The following CHST8 variants were observed in gnomAD, a reference collection of about 807,000 sequenced individuals.
CHST8 encodes the protein GALNAC-4-ST1.
In CHST8, 10 loss-of-function variants were observed where a neutral mutation model predicts 15.0. The observed-to-expected ratio is 0.67, with a 90% CI of 0.41 to 1.13. CHST8 has a LOEUF of 1.13. Among genes scored for constraint, CHST8 ranks in the 50% most tolerant of loss-of-function variants. The probability of loss-of-function intolerance (pLI) is 0.00; values close to 1 mark genes in which losing one functional copy is unlikely to be tolerated. For missense variants in CHST8, 634 were observed against 608.2 expected (o/e 1.04, Z -0.45); for synonymous variants, 259 against 256.6 (o/e 1.01, Z -0.09).
intron 3 of CHST8, among the ~76,000 whole-genome samples, chr19:33,708,637 A>T (rs6510393): frequency 0.029 from 4,367 of 152,294 alleles, 147 homozygotes; most frequent in African/African-American, 0.08. Context: ...AGATTTATAA[A>T]AAGTTGTGAA....
chr19:33,680,366 G>C (rs1361058688), intron 2 of CHST8, among the ~76,000 whole-genome samples: 2 of 152,128 alleles, frequency 1.3e-5, no homozygotes, highest in African/African-American at 4.8e-5. Flanking sequence ...CTGTAATATT[G>C]GTTTGGAAAA....
intron 3 of CHST8, among the ~76,000 whole-genome samples, chr19:33,689,687 C>A (rs1973060839): frequency 6.6e-6 from 1 of 152,208 alleles, no homozygotes; most frequent in South Asian, 2.1e-4. Context: ...CAGATTTAAA[C>A]AGGATTCCAC....
intron 3 of CHST8, among the ~76,000 whole-genome samples, chr19:33,693,008 C>CT (rs371300363): frequency 0.064 from 9,042 of 140,848 alleles, 376 homozygotes; most frequent in Non-Finnish European, 0.093. Flanking sequence ...TTCTTTCTTT[C>CT]TTTTTTTTTT....
intron 2 of CHST8, among the ~76,000 whole-genome samples, chr19:33,669,084 G>C (rs538246598): frequency 6.6e-6 from 1 of 152,254 alleles, no homozygotes; most frequent in Non-Finnish European, 1.5e-5. Context: ...AAGCAGAATC[G>C]TTCCCATCAG....
intron 1 of CHST8, among the ~76,000 whole-genome samples, chr19:33,625,631 GT>G (rs1600221835): frequency 6.6e-6 from 1 of 152,224 alleles, no homozygotes; most frequent in East Asian, 2.0e-4. Context: ...GGAGGCCGAG[GT>G]GGGTGGATCA....
chr19:33,767,547 T>A (rs985356372), intron 3 of CHST8, among the ~76,000 whole-genome samples: 2 of 152,242 alleles, frequency 1.3e-5, no homozygotes, highest in Non-Finnish European at 2.9e-5. Flanking sequence ...GCAGTGCCCA[T>A]AACTCACGCC....
At chr19:33,662,608 C>T (rs890489327) in intron 1 of CHST8, among the ~76,000 whole-genome samples, 5 of 151,998 alleles carry the variant, frequency 3.3e-5, no homozygotes, top group South Asian at 2.1e-4. Context: ...CATTGACCAG[C>T]GCATGGTGAG....
At chr19:33,682,449 T>A (rs760277236) in intron 2 of CHST8, among the ~76,000 whole-genome samples, 15 of 152,164 alleles carry the variant, frequency 9.9e-5, no homozygotes, top group Non-Finnish European at 1.8e-4. Flanking sequence ...AAGTGTACAG[T>A]CCAGTGGCAT....
intron 3 of CHST8, among the ~76,000 whole-genome samples, chr19:33,703,773 T>G (rs1973390140): frequency 6.6e-6 from 1 of 152,280 alleles, no homozygotes; most frequent in Admixed American, 6.5e-5. Context: ...GATGTTTTCA[T>G]TATGAAGCTT....
intron 3 of CHST8, among the ~76,000 whole-genome samples, chr19:33,701,545 G>T (rs1973336611): frequency 1.3e-5 from 2 of 152,086 alleles, no homozygotes; most frequent in African/African-American, 4.8e-5. Context: ...TAGAAAATTG[G>T]GACAATCATG....
chr19:33,744,955 G>A (rs1310167501), intron 3 of CHST8, among the ~76,000 whole-genome samples: 2 of 152,050 alleles, frequency 1.3e-5, no homozygotes, highest in African/African-American at 2.4e-5. Context: ...CACCGTGTTG[G>A]CCAGGGTGGT....
rs548753857 is a variant in CHST8, at chr19:33,763,666, T to C, written c.131-7747T>C. 3.9e-5 allele frequency among the ~76,000 whole-genome samples: 6 copies of C among 152,380 alleles called. No homozygotes were observed. In the South Asian group the frequency reaches 1.2e-3, roughly 32 times the overall value. On this transcript the variant is annotated intron_variant, in intron 3 of 4. Transcript: ENST00000650847. Reference sequence around the variant, plus strand: ...TTGAAGCCCTTGGGTGAGGCTTTTTTCCGGGCGTTCTGTGCCCAGGAGTCC... The same window carrying C: ...TTGAAGCCCTTGGGTGAGGCTTTTTCCCGGGCGTTCTGTGCCCAGGAGTCC...
At chr19:33,725,734 G>A (rs1289734331) in intron 3 of CHST8, among the ~76,000 whole-genome samples, 1 of 152,250 alleles carries the variant, frequency 6.6e-6, no homozygotes, top group Non-Finnish European at 1.5e-5. Flanking sequence ...GGTGAGCCAA[G>A]AGAACAGAGC....
intron 3 of CHST8, among the ~76,000 whole-genome samples, chr19:33,716,852 G>T (rs1023352400): frequency 3.9e-5 from 6 of 152,218 alleles, no homozygotes; most frequent in Admixed American, 2.6e-4. Context: ...CCAGGAGTCT[G>T]AGATCAAGGC....
rs1974995549 is a variant in CHST8, at chr19:33,772,033, G to T, written c.245G>T (p.Gly82Val). Reference protein sequence around the residue: ...TERVTRDLSSGAPRGRNLPAP... With the variant: ...TERVTRDLSSVAPRGRNLPAP... ...AGGGTCACTCGGGACTTATCCAGTG[G>T]GGCCCCGAGGGGCCGCAACCTGCCA... Residue 82 changes from glycine (G) to valine (V), a missense_variant, in exon 5 of 5, where the codon GGG becomes GTG. Transcript: ENST00000650847. 4 of 1,611,796 alleles carry T rather than the reference G, an allele frequency of 2.5e-6. No homozygotes were observed. The highest frequency in any genetic ancestry group is 3.4e-6 in the Non-Finnish European group (4 of 1,179,542).
intron 3 of CHST8, among the ~76,000 whole-genome samples, chr19:33,748,958 A>G (rs556759119): frequency 1.3e-5 from 2 of 152,250 alleles, no homozygotes; most frequent in South Asian, 4.1e-4. Flanking sequence ...GAGGCTGGGA[A>G]GCTCCCACCC....
intron 3 of CHST8, among the ~76,000 whole-genome samples, chr19:33,715,625 G>A (rs1344132450): frequency 6.6e-6 from 1 of 152,212 alleles, no homozygotes; most frequent in Non-Finnish European, 1.5e-5. Flanking sequence ...GAGGTGTGCA[G>A]ATCTTCAGCA....
At chr19:33,767,813 G>C (rs768939622) in intron 3 of CHST8, among the ~76,000 whole-genome samples, 2 of 152,154 alleles carry the variant, frequency 1.3e-5, no homozygotes, top group Admixed American at 6.5e-5. Flanking sequence ...TGGCAGCATT[G>C]GTGGCGTTGG....
chr19:33,689,494 C>A lies in CHST8; in HGVS notation c.130+103C>A, dbSNP rs1217566643. 3.8e-6 allele frequency: 5 copies of A among 1,323,560 alleles called. No individual in the cohort carries two copies. The African/African-American group carries it at 4.5e-5, about 12-fold the overall frequency. The allele number at this position is 1,323,560 out of a possible 1,614,324, so 82.0% of individuals were successfully genotyped here. ...GTGTGCTGGGCTTGGGGGAAAGGGGCAAGTCTGTGCCAAGACCCCCGGCAG... is the reference window on the plus strand; with the variant it reads ...GTGTGCTGGGCTTGGGGGAAAGGGGAAAGTCTGTGCCAAGACCCCCGGCAG... On this transcript the variant is annotated intron_variant, in intron 3 of 4. Coordinates refer to ENST00000650847, the MANE Select transcript of CHST8 (RefSeq NM_001127895.2).
Sources: allele counts gnomAD v4.1 joint callset (sites outside exome capture counted in the v4.1 genomes callset), GRCh38; gene constraint gnomAD v4.1.1; transcripts MANE v1.5; gene names NCBI Gene and HGNC (gene_info 2026-07-23, HGNC 2026-07-21).